The following CHSY1 variants were observed in gnomAD, a reference collection of about 807,000 sequenced individuals.
CHSY1 encodes the protein chondroitin sulfate synthase 1.
Under a neutral mutation model 59.8 loss-of-function variants are expected in CHSY1, and 13 were observed. The ratio of observed to expected loss-of-function variants is 0.22; its 90% CI spans 0.14 to 0.35. The LOEUF is 0.35. Ranked by LOEUF, CHSY1 falls within the 10% of genes least tolerant of loss-of-function variation. The pLI, the probability that CHSY1 is intolerant of heterozygous loss-of-function variation, is 1.00. For missense variants in CHSY1, 947 were observed against 1,030.6 expected (o/e 0.92, Z 1.11); for synonymous variants, 459 against 401.2 (o/e 1.14, Z -1.72).
At chr15:101,207,190 A>G (rs905318072) in intron 2 of CHSY1, among the ~76,000 whole-genome samples, 1 of 152,256 alleles carries the variant, frequency 6.6e-6, no homozygotes, top group African/African-American at 2.4e-5. Flanking sequence ...TTTGCAGTCA[A>G]AAGAAAAATA....
rs954359602 is a variant in CHSY1 at position 101,176,642 on chromosome 15, A to C, written c.*746T>G. 8.4e-6 allele frequency: 3 copies of C among 358,948 alleles called. No homozygotes were observed. Among genetic ancestry groups the C allele is most frequent in the Non-Finnish European group, 5.0e-6 (1 of 201,822 alleles). The allele number at this position is 358,948 out of a possible 1,614,324, so 22.2% of individuals were successfully genotyped here. ...AACCCCGTCTCTACTAAAAATACAA[A>C]AAAACTAGCTGGGCGTGGTGGTGTG... On this transcript the variant is annotated 3_prime_UTR_variant, in exon 3 of 3. Coordinates refer to ENST00000254190, the MANE Select transcript of CHSY1 (RefSeq NM_014918.5).
rs768947688 is a variant in CHSY1, at chr15:101,178,712, A to G, written c.1085T>C (p.Phe362Ser). 1.2e-6 allele frequency: 2 copies of G among 1,614,220 alleles called. No individual in the cohort carries two copies. The highest frequency in any genetic ancestry group is 1.7e-5 in the Admixed American group (1 of 60,038). ...EDLQLGIPPS[F>S]MRFQPRQREE... is the part of the protein sequence containing the mutation. ...TCGCTGGCGGGGCTGAAACCTCATG[A>G]AGGAGGGAGGGATTCCCAGCTGGAG... Residue 362 changes from phenylalanine to serine, a missense_variant, in exon 3 of 3, where the codon TTC becomes TCC. By Grantham distance (155) the Phe-to-Ser change is radical. Around this residue, in one of 4 missense-constraint regions of CHSY1, gnomAD observed 602 missense variants for 676.9 expected, o/e 0.89. Coordinates refer to ENST00000254190, the MANE Select transcript of CHSY1 (RefSeq NM_014918.5).
rs751688006 is a variant in CHSY1, at chr15:101,178,232, G to A, written c.1565C>T (p.Ser522Leu). The A allele has an allele frequency of 2.5e-6, 4 of 1,614,114 alleles. No homozygotes were observed. The highest frequency in any genetic ancestry group is 2.2e-5 in the East Asian group (1 of 44,890). The change falls in exon 3 of 3, where the codon TCG becomes TTG. Residue 522 changes from serine to leucine, a missense_variant. Transcript: ENST00000254190. ...TTTGGGTTCTTTGTGCTCACTCTTC[G>A]ACCCAGGGAGCTGAAAGGGGACGAG... Reference protein sequence around the residue: ...KKLVPFQLPGSKSEHKEPKDK... With the variant: ...KKLVPFQLPGLKSEHKEPKDK...
intron 2 of CHSY1, among the ~76,000 whole-genome samples, chr15:101,180,287 C>T (rs1209922603): frequency 1.3e-5 from 2 of 152,186 alleles, no homozygotes; most frequent in East Asian, 1.9e-4. Context: ...CCTGGGCACC[C>T]GTGAGTCCGG....
At chr15:101,242,361 C>T (rs1382738387) in intron 1 of CHSY1, among the ~76,000 whole-genome samples, 1 of 152,224 alleles carries the variant, frequency 6.6e-6, no homozygotes, top group African/African-American at 2.4e-5. Context: ...TGCTCTTGTG[C>T]TGAGACCTAC....
chr15:101,232,602 C>T (rs1231571249), intron 2 of CHSY1, among the ~76,000 whole-genome samples: 1 of 152,164 alleles, frequency 6.6e-6, no homozygotes, highest in Non-Finnish European at 1.5e-5. Flanking sequence ...CACAAAAGCA[C>T]AAACCGTAAT....
chr15:101,242,146 C>T (rs1157016548), intron 1 of CHSY1, among the ~76,000 whole-genome samples: 1 of 151,634 alleles, frequency 6.6e-6, no homozygotes, highest in African/African-American at 2.4e-5. Context: ...TTTACATTCT[C>T]CCCTGTTACA....
chr15:101,231,341 G>C (rs1300607622), intron 2 of CHSY1, among the ~76,000 whole-genome samples: 1 of 152,160 alleles, frequency 6.6e-6, no homozygotes, highest in Non-Finnish European at 1.5e-5. Flanking sequence ...ATGTAAACGG[G>C]GAGAGAAGTA....
In CHSY1 at chr15:101,176,041, G is replaced by T. The variant is rs545711411; in HGVS notation, c.*1347C>A. ...ACACATGAGCACCAAAATTGTCAAA[G>T]AACACTTAATATTTAGTAAAACAGT... On this transcript the variant is annotated 3_prime_UTR_variant, in exon 3 of 3. Transcript: ENST00000254190. 1.2e-4 allele frequency: 44 copies of T among 378,200 alleles called. No individual in the cohort carries two copies. Among genetic ancestry groups the T allele is most frequent in the Non-Finnish European group, 1.9e-4 (40 of 214,074 alleles). The allele number at this position is 378,200 out of a possible 1,614,324, so 23.4% of individuals were successfully genotyped here.
At chr15:101,236,399 T>C (rs573868605) in intron 1 of CHSY1, among the ~76,000 whole-genome samples, 25 of 152,258 alleles carry the variant, frequency 1.6e-4, no homozygotes, top group African/African-American at 5.8e-4. Flanking sequence ...GATCTCATAG[T>C]TTTACAAGGG....
chr15:101,214,274 G>C (rs979422666), intron 2 of CHSY1, among the ~76,000 whole-genome samples: 1 of 152,110 alleles, frequency 6.6e-6, no homozygotes, highest in African/African-American at 2.4e-5. Flanking sequence ...AGCACATCTC[G>C]CCACCCACTG....
chr15:101,201,804 G>C (rs572818821), intron 2 of CHSY1, among the ~76,000 whole-genome samples: 1 of 152,304 alleles, frequency 6.6e-6, no homozygotes, highest in African/African-American at 2.4e-5. Context: ...TGGAAAGGAA[G>C]GCTGTTACCT....
intron 2 of CHSY1, among the ~76,000 whole-genome samples, chr15:101,218,327 GGCTCATGCCTGTTAATCCCA>G (rs576186450): frequency 6.7e-4 from 102 of 152,330 alleles, no homozygotes; most frequent in African/African-American, 2.4e-3. Context: ...TGGGCACAGT[GGCTCATGCCTGTTAATCCCA>G]GCCCTTTGGG....
At chr15:101,251,067 G>A in intron 1 of CHSY1, 70 bp downstream of exon 1, 1 of 1,433,892 alleles carries the variant, frequency 7.0e-7, no homozygotes, top group East Asian at 2.5e-5. Flanking sequence ...CGAGAGCCAG[G>A]AGAGCACCCG....
intron 2 of CHSY1, among the ~76,000 whole-genome samples, chr15:101,192,038 T>C (rs1227431387): frequency 6.6e-6 from 1 of 152,216 alleles, no homozygotes; most frequent in Non-Finnish European, 1.5e-5. Context: ...TTTAACACAG[T>C]ATTCTAAACT....
Position 101,251,989 on chromosome 15 carries a change from C to G in CHSY1, c.-533G>C. The G allele has an allele frequency of 6.6e-6, 1 of 151,012 alleles. No individual in the cohort carries two copies. Among genetic ancestry groups the G allele is most frequent in the Non-Finnish European group, 1.5e-5 (1 of 67,728 alleles). 9.4% of individuals were successfully genotyped at this position (151,012 alleles called of 1,614,324 possible). ...GCGCGTTATGAAGTGGCCCCGCCGG[C>G]GGCGAGCCGTGGCCCCTCTCGGGAT... On this transcript the variant is annotated 5_prime_UTR_variant, in exon 1 of 3. Transcript: ENST00000254190.
In CHSY1 at chr15:101,177,517, G is replaced by A; in HGVS notation, c.2280C>T (p.Tyr760=). Residue 760 remains tyrosine (Y), a synonymous_variant, in exon 3 of 3, where the codon TAC becomes TAT. Transcript: ENST00000254190. The part of the protein sequence containing the change: ...FCDPNLDPKQ[Y]KMCLGSKAST... Reference sequence around the variant, plus strand: ...ATGCTTTGGACCCCAAGCACATTTTGTACTGTTTGGGGTCAAGATTGGGAT... The same window carrying A: ...ATGCTTTGGACCCCAAGCACATTTTATACTGTTTGGGGTCAAGATTGGGAT... 6.2e-7 allele frequency: 1 copy of A among 1,613,662 alleles called. No homozygotes were observed. Among genetic ancestry groups the A allele is most frequent in the Non-Finnish European group, 8.5e-7 (1 of 1,179,592 alleles).
rs1228449897 is a variant in CHSY1, at chr15:101,235,136, C to T, written c.762G>A (p.Glu254=). 1.2e-6 allele frequency: 2 copies of T among 1,614,040 alleles called. No individual in the cohort carries two copies. The highest frequency in any genetic ancestry group is 1.7e-5 in the Admixed American group (1 of 60,006). The stretch of plus-strand genomic sequence containing the variant: ...CAAACCTCCGGACACACCTTCCCAC[C>T]TCCACGTCCTCATGGGTGGTGTACA... ...REMYTTHEDV[E]VGRCVRRFAG... Residue 254 remains glutamate, a synonymous_variant, in exon 2 of 3, where the codon GAG becomes GAA. Coordinates refer to ENST00000254190, the MANE Select transcript of CHSY1 (RefSeq NM_014918.5).
chr15:101,244,836 G>C (rs1014693002), intron 1 of CHSY1, among the ~76,000 whole-genome samples: 39 of 152,304 alleles, frequency 2.6e-4, no homozygotes, highest in African/African-American at 8.7e-4. Flanking sequence ...AATCAGTTAA[G>C]TCAATTTTGG....
Sources: allele counts gnomAD v4.1 joint callset (sites outside exome capture counted in the v4.1 genomes callset), GRCh38; gene constraint gnomAD v4.1.1; regional missense constraint gnomAD v4.1.1; transcripts MANE v1.5; gene names NCBI Gene and HGNC (gene_info 2026-07-23, HGNC 2026-07-21).